The following ADGRL2 variants were observed in gnomAD, a reference collection of about 807,000 sequenced individuals.
ADGRL2 encodes adhesion G protein-coupled receptor L2.
In ADGRL2, 44 loss-of-function variants were observed where a neutral mutation model predicts 157.4. The ratio of observed to expected loss-of-function variants is 0.28; its 90% CI spans 0.22 to 0.36. ADGRL2 has a LOEUF of 0.36. Among genes scored for constraint, ADGRL2 ranks in the 10% least tolerant of loss-of-function variants. ADGRL2 has a pLI of 1.00. For synonymous variants in ADGRL2, 585 were observed against 624.7 expected (o/e 0.94, Z 0.95); for missense variants, 1,510 against 1,768.9 (o/e 0.85, Z 2.63).
intron 2 of ADGRL2, among the ~76,000 whole-genome samples, chr1:81,457,221 A>G (rs1319875089): frequency 4.6e-5 from 7 of 152,132 alleles, no homozygotes; most frequent in South Asian, 2.1e-4. Context: ...CTACAATATA[A>G]CAAAAAGGTC....
At chr1:81,699,616 A>T (rs2083517227), upstream of ADGRL2, 2 of 152,154 alleles carry the variant, frequency 1.3e-5, no homozygotes, top group Non-Finnish European at 2.9e-5. Context: ...CCAATATGAC[A>T]CCTGTCTGCT....
chr1:81,854,847 G>C (rs2150598849), intron 2 of ADGRL2, among the ~76,000 whole-genome samples: 1 of 152,224 alleles, frequency 6.6e-6, no homozygotes, highest in East Asian at 1.9e-4. Context: ...ATTGCAAATA[G>C]GTCAATGTGT....
chr1:81,531,933 A>G (rs1252329934), intron 2 of ADGRL2, among the ~76,000 whole-genome samples: 1 of 152,178 alleles, frequency 6.6e-6, no homozygotes, highest in East Asian at 1.9e-4. Flanking sequence ...CTGGTCATAT[A>G]CTTAGGTCTA....
chr1:81,700,746 C>T (rs1478386362), intron 1 of ADGRL2, among the ~76,000 whole-genome samples: 1 of 152,074 alleles, frequency 6.6e-6, no homozygotes, highest in Admixed American at 6.6e-5. Context: ...ATAAGAACAC[C>T]CAGCCATTGT....
intron 1 of ADGRL2, among the ~76,000 whole-genome samples, chr1:81,319,147 A>T (rs189793626): frequency 1.3e-5 from 2 of 149,954 alleles, no homozygotes; most frequent in South Asian, 4.2e-4. Flanking sequence ...GGGTTTCTCC[A>T]TGTTGGTCAG....
intron 1 of ADGRL2, among the ~76,000 whole-genome samples, chr1:81,726,743 T>C (rs1339920321): frequency 6.6e-6 from 1 of 152,210 alleles, no homozygotes; most frequent in Non-Finnish European, 1.5e-5. Context: ...TCATTTCACG[T>C]TATATAGCTC....
chr1:81,388,521 C>T (rs189956933), intron 1 of ADGRL2, among the ~76,000 whole-genome samples: 1 of 152,254 alleles, frequency 6.6e-6, no homozygotes, highest in African/African-American at 2.4e-5. Context: ...CACTCCTCAT[C>T]CCACCTCAAA....
At chr1:81,573,875 G>A (rs1376859480) in intron 2 of ADGRL2, among the ~76,000 whole-genome samples, 1 of 152,144 alleles carries the variant, frequency 6.6e-6, no homozygotes, top group Non-Finnish European at 1.5e-5. Flanking sequence ...ACTGGTTGGA[G>A]AAGACACATA....
At chr1:81,395,612 T>C (rs1051373392) in intron 1 of ADGRL2, among the ~76,000 whole-genome samples, 49 of 152,332 alleles carry the variant, frequency 3.2e-4, no homozygotes, top group African/African-American at 1.1e-3. Context: ...ATAAAATCTT[T>C]GTCCAGGCCA....
chr1:81,615,268 C>T (rs896846611), intron 3 of ADGRL2, among the ~76,000 whole-genome samples: 7 of 152,226 alleles, frequency 4.6e-5, no homozygotes, highest in Non-Finnish European at 5.9e-5. Flanking sequence ...ACTCTGTAAA[C>T]GGACCAATCA....
chr1:81,557,327 C>A, intron 2 of ADGRL2: 1 of 193,754 alleles, frequency 5.2e-6, no homozygotes. Context: ...CTTTGATAAC[C>A]TGCTCTGGTT....
intron 2 of ADGRL2, among the ~76,000 whole-genome samples, chr1:81,773,351 C>T (rs1366807274): frequency 6.6e-6 from 1 of 152,156 alleles, no homozygotes; most frequent in Non-Finnish European, 1.5e-5. Flanking sequence ...TTCCTACATG[C>T]TGATAATCAT....
At chr1:81,658,629 C>T (rs1361899725) in intron 3 of ADGRL2, among the ~76,000 whole-genome samples, 1 of 152,126 alleles carries the variant, frequency 6.6e-6, no homozygotes, top group African/African-American at 2.4e-5. Context: ...CATGTGTACA[C>T]GTTATTTAAC....
At chr1:81,742,526 A>G (rs2085106338) in intron 1 of ADGRL2, among the ~76,000 whole-genome samples, 1 of 152,066 alleles carries the variant, frequency 6.6e-6, no homozygotes, top group Non-Finnish European at 1.5e-5. Context: ...TGTTATGTCT[A>G]ATTTGTATAT....
At chr1:81,690,891 G>A (rs1368356452) in intron 3 of ADGRL2, among the ~76,000 whole-genome samples, 1 of 152,142 alleles carries the variant, frequency 6.6e-6, no homozygotes, top group Non-Finnish European at 1.5e-5. Flanking sequence ...AAACCTTATT[G>A]GGCTGCCTGC....
chr1:81,696,554 C>T (rs1419367290), upstream of ADGRL2, among the ~76,000 whole-genome samples: 1 of 152,060 alleles, frequency 6.6e-6, no homozygotes, highest in African/African-American at 2.4e-5. Context: ...AGATAGAGAT[C>T]ATCCTGGCTA....
chr1:81,366,936 T>C (rs551849615), intron 1 of ADGRL2, among the ~76,000 whole-genome samples: 3 of 152,204 alleles, frequency 2.0e-5, no homozygotes, highest in Non-Finnish European at 2.9e-5. Flanking sequence ...TCTCTTTTTA[T>C]GCTACATACT....
chr1:81,830,494 T>C (rs900641250), intron 1 of ADGRL2, among the ~76,000 whole-genome samples: 10 of 152,212 alleles, frequency 6.6e-5, no homozygotes, highest in Admixed American at 6.5e-4. Context: ...AGTTAATTTT[T>C]CACATATATC....
At chr1:81,671,317 C>T (rs896483246) in intron 3 of ADGRL2, among the ~76,000 whole-genome samples, 14 of 152,150 alleles carry the variant, frequency 9.2e-5, no homozygotes, top group Non-Finnish European at 1.6e-4. Flanking sequence ...CTAAACTGTA[C>T]TGCCTTAGAT....
Sources: allele counts gnomAD v4.1 joint callset (sites outside exome capture counted in the v4.1 genomes callset), GRCh38; gene constraint gnomAD v4.1.1; transcripts MANE v1.5; gene names NCBI Gene and HGNC (gene_info 2026-07-23, HGNC 2026-07-21).